The following PNKD variants were observed in gnomAD, a reference collection of about 807,000 sequenced individuals.
The protein encoded by PNKD is probable thioesterase PNKD.
A neutral mutation model predicts 45.3 loss-of-function variants in PNKD; 36 were observed. The ratio of observed to expected loss-of-function variants is 0.80; its 90% CI spans 0.61 to 1.05. The LOEUF (loss-of-function observed/expected upper bound fraction) is 1.05, where lower values mean the gene tolerates loss of function less well. Among genes scored for constraint, PNKD ranks in the 50% least tolerant of loss-of-function variants. The pLI, the probability that PNKD is intolerant of heterozygous loss-of-function variation, is 0.00. For missense variants in PNKD, 511 were observed against 506.6 expected, an observed-to-expected ratio of 1.01 and a Z score of -0.08; for synonymous variants, 197 against 210.1, an observed-to-expected ratio of 0.94 and a Z score of 0.54.
chr2:218,275,579 G>A, intron 2 of PNKD: 1 of 1,613,978 alleles, frequency 6.2e-7, no homozygotes, highest in South Asian at 1.1e-5. Context: ...CTGATGGTGT[G>A]CTTCCGGTTC....
rs1459911319 is a variant in PNKD, at chr2:218,339,777, C to T, written c.237-6C>T. The T allele has an allele frequency of 1.3e-6, 2 of 1,597,816 alleles. No individual in the cohort carries two copies. The highest frequency in any genetic ancestry group is 1.7e-5 in the Admixed American group (1 of 59,932). ...GCTAATCATAGGCCACCCACTCGCC[C>T]TCTAGGTACAGCCTGTACACCCGCA... On this transcript the variant is annotated splice_polypyrimidine_tract_variant and splice_region_variant and intron_variant, in intron 2 of 9. Transcript: ENST00000273077.
At chr2:218,336,788 C>CTTTTTTTTTTTTTTTTTTTTTTTT (rs71064439) in intron 2 of PNKD, among the ~76,000 whole-genome samples, 2 of 29,158 alleles carry the variant, frequency 6.9e-5, no homozygotes, top group African/African-American at 1.1e-4. Context: ...GCCTTCAATT[C>CTTTTTTTTTTTTTTTTTTTTTTTT]TTTTTTTTTT....
intron 2 of PNKD, among the ~76,000 whole-genome samples, chr2:218,327,578 T>G (rs1407192227): frequency 1.3e-5 from 2 of 152,092 alleles, no homozygotes; most frequent in Non-Finnish European, 2.9e-5. Flanking sequence ...TGGTTCGTCT[T>G]CAAAGTGTGG....
chr2:218,271,461 A>C lies in PNKD; in HGVS notation c.148A>C (p.Lys50Gln). 2 of 1,614,098 alleles carry C rather than the reference A, an allele frequency of 1.2e-6. No homozygotes were observed. Among genetic ancestry groups the C allele is most frequent in the Non-Finnish European group, 8.5e-7 (1 of 1,179,954 alleles). Residue 50 changes from lysine to glutamine, a missense_variant, in exon 2 of 10, where the codon AAG becomes CAG. Physicochemically the swap from Lys to Gln is moderately conservative, Grantham distance 53. Transcript: ENST00000273077. ...ALQSHSSPEG[K>Q]EEPEPLSPEL... ...GCAAAGCCACAGCTCCCCAGAGGGCAAGGAGGAACCTGAACCCCTATCCCC... is the reference window on the plus strand; with the variant it reads ...GCAAAGCCACAGCTCCCCAGAGGGCCAGGAGGAACCTGAACCCCTATCCCC...
At chr2:218,277,136 C>T in intron 2 of PNKD, 1 of 1,573,882 alleles carries the variant, frequency 6.4e-7, no homozygotes, top group Non-Finnish European at 8.7e-7. Flanking sequence ...TGTCAGATGG[C>T]TGTGACAACC....
At chr2:218,343,308 G>T (rs1008104878) in intron 7 of PNKD, among the ~76,000 whole-genome samples, 192 bp from the exon 8 acceptor site, 4 of 152,208 alleles carry the variant, frequency 2.6e-5, no homozygotes, top group Non-Finnish European at 4.4e-5. Context: ...GATGGGCTTG[G>T]TCAGGGGGTG....
chr2:218,345,049 T>A lies in PNKD; in HGVS notation c.*68T>A. On this transcript the variant is annotated 3_prime_UTR_variant, in exon 10 of 10. Coordinates refer to ENST00000273077, the MANE Select transcript of PNKD (RefSeq NM_015488.5). ...GGCCGCCACCACCAACACCTCATCATCCTTCTCATCGCTAACACCACCACC... is the reference window on the plus strand; with the variant it reads ...GGCCGCCACCACCAACACCTCATCAACCTTCTCATCGCTAACACCACCACC... 1.6e-6 allele frequency: 2 copies of A among 1,240,822 alleles called. No homozygotes were observed. Among genetic ancestry groups the A allele is most frequent in the Non-Finnish European group, 2.3e-6 (2 of 873,974 alleles). 76.9% of individuals were successfully genotyped at this position (1,240,822 alleles called of 1,614,324 possible).
intron 8 of PNKD, 23 bp from the exon 9 acceptor site, chr2:218,344,432 C>G: frequency 6.7e-7 from 1 of 1,498,072 alleles, no homozygotes; most frequent in Non-Finnish European, 9.1e-7. Context: ...TGCTCTGTGT[C>G]TCACCCTCAT....
At chr2:218,304,296 G>C (rs1693354800) in intron 2 of PNKD, among the ~76,000 whole-genome samples, 1 of 152,084 alleles carries the variant, frequency 6.6e-6, no homozygotes, top group African/African-American at 2.4e-5. Flanking sequence ...ACAGATGCCT[G>C]CCACCATGCC....
At chr2:218,287,563 A>G (rs1441767227) in intron 2 of PNKD, among the ~76,000 whole-genome samples, 1 of 152,140 alleles carries the variant, frequency 6.6e-6, no homozygotes, top group Non-Finnish European at 1.5e-5. Flanking sequence ...ACAAAAAATT[A>G]GCTGGGCGTG....
At chr2:218,341,484 T>C (rs1315647735) in intron 5 of PNKD, 50 bp from the exon 6 acceptor site, 7 of 1,218,592 alleles carry the variant, frequency 5.7e-6, no homozygotes, top group Non-Finnish European at 7.1e-6. Flanking sequence ...GAAGGGGGCT[T>C]AGGTACAGTT....
chr2:218,338,923 G>A (rs1694584656), intron 2 of PNKD, among the ~76,000 whole-genome samples: 1 of 151,466 alleles, frequency 6.6e-6, no homozygotes, highest in Admixed American at 6.6e-5. Context: ...TACCTGAGTA[G>A]CTGGGACCAC....
At chr2:218,308,788 T>G (rs548455706) in intron 2 of PNKD, among the ~76,000 whole-genome samples, 1 of 151,710 alleles carries the variant, frequency 6.6e-6, no homozygotes, top group African/African-American at 2.4e-5. Context: ...TTTCACCATG[T>G]TGGCCAGGCT....
At position 218,345,194 on chromosome 2, in the gene PNKD, C is replaced by A; in HGVS notation, c.*213C>A. ...GTTGGAGGCTGGGAACCCCGCAGCGCGAGGCTGCCTCATCAACGGCAAGAG... is the reference window on the plus strand; with the variant it reads ...GTTGGAGGCTGGGAACCCCGCAGCGAGAGGCTGCCTCATCAACGGCAAGAG... On this transcript the variant is annotated 3_prime_UTR_variant, in exon 10 of 10. Coordinates refer to ENST00000273077, the MANE Select transcript of PNKD (RefSeq NM_015488.5). 1 of 580,702 alleles carries A rather than the reference C, an allele frequency of 1.7e-6. No homozygotes were observed. 36.0% of individuals were successfully genotyped at this position (580,702 alleles called of 1,614,324 possible). A position where few individuals can be genotyped will look rare whatever the true frequency, so the allele number is the denominator to read the frequency against.
intron 2 of PNKD, among the ~76,000 whole-genome samples, chr2:218,289,644 A>AAC (rs1553662546): frequency 6.6e-6 from 1 of 151,340 alleles, no homozygotes; most frequent in Non-Finnish European, 1.5e-5. Flanking sequence ...AAAAAAAAAA[A>AAC]AACTGAAAGA....
At chr2:218,318,534 G>C (rs1229425096) in intron 2 of PNKD, among the ~76,000 whole-genome samples, 1 of 152,242 alleles carries the variant, frequency 6.6e-6, no homozygotes, top group Non-Finnish European at 1.5e-5. Flanking sequence ...CCACTAGTCA[G>C]AGCAAGAGGG....
chr2:218,318,809 C>T (rs1693890406), intron 2 of PNKD, among the ~76,000 whole-genome samples: 1 of 151,816 alleles, frequency 6.6e-6, no homozygotes, highest in South Asian at 2.1e-4. Flanking sequence ...AAGTGAAGGA[C>T]GTAAGCACAG....
At chr2:218,306,455 A>G (rs775648751) in intron 2 of PNKD, among the ~76,000 whole-genome samples, 2 of 152,204 alleles carry the variant, frequency 1.3e-5, no homozygotes, top group African/African-American at 4.8e-5. Context: ...ATCAAGGAAC[A>G]TGTGTGGAGT....
At chr2:218,294,222 C>A (rs914039683) in intron 2 of PNKD, among the ~76,000 whole-genome samples, 10 of 152,344 alleles carry the variant, frequency 6.6e-5, no homozygotes, top group African/African-American at 2.4e-4. Context: ...AGGTGAAATG[C>A]ATGGCCCATG....
Sources: allele counts gnomAD v4.1 joint callset (sites outside exome capture counted in the v4.1 genomes callset), GRCh38; gene constraint gnomAD v4.1.1; transcripts MANE v1.5; gene names NCBI Gene and HGNC (gene_info 2026-07-23, HGNC 2026-07-21).